The following MLLT1 variants were observed in gnomAD, a reference collection of about 807,000 sequenced individuals.
MLLT1 encodes the protein MLLT1 super elongation complex subunit.
MLLT1 carries 11 observed loss-of-function variants against 55.1 expected under a neutral mutation model. That is an observed-to-expected ratio of 0.20 (90% CI 0.13 to 0.33). MLLT1 has a LOEUF of 0.33. MLLT1 is among the 10% of genes least tolerant of loss of function. The pLI is 1.00. For missense variants in MLLT1, 536 were observed against 760.6 expected (o/e 0.70, Z 3.47); for synonymous variants, 323 against 320.1 (o/e 1.01, Z -0.10).
chr19:6,216,416 C>T lies in MLLT1; in HGVS notation c.1296G>A (p.Gly432=), dbSNP rs753340871. The T allele has an allele frequency of 1.0e-5, 16 of 1,606,470 alleles. No homozygotes were observed. In the African/African-American group the frequency reaches 1.3e-4, roughly 13 times the overall value. ...CACCGGGCCGTCACCTGGAGTCCCTCCCCGGGTTGGTCTTGCCGGCAGCCT... is the reference window on the plus strand; with the variant it reads ...CACCGGGCCGTCACCTGGAGTCCCTTCCCGGGTTGGTCTTGCCGGCAGCCT... The part of the protein sequence containing the change: ...GEEAAGKTNP[G]RDSRLSFSDS... Residue 432 remains glycine, a synonymous_variant, in exon 8 of 12, where the codon GGG becomes GGA. Coordinates refer to ENST00000252674, the MANE Select transcript of MLLT1 (RefSeq NM_005934.4).
chr19:6,217,846 G>A (rs377042692), intron 7 of MLLT1, 108 bp downstream of exon 7: 1 of 1,460,044 alleles, frequency 6.8e-7, no homozygotes, highest in Non-Finnish European at 9.1e-7. Context: ...GTACAGATCT[G>A]CAGGGCCCAG....
intron 6 of MLLT1, 73 bp from the exon 7 acceptor site, chr19:6,218,114 G>A (rs1350258392): frequency 1.4e-5 from 22 of 1,523,256 alleles, no homozygotes; most frequent in South Asian, 1.2e-5. Flanking sequence ...GACAAAGGGG[G>A]CCCCCTGGCA....
chr19:6,255,291 G>C (rs2091248856), intron 3 of MLLT1, among the ~76,000 whole-genome samples: 1 of 152,166 alleles, frequency 6.6e-6, no homozygotes, highest in African/African-American at 2.4e-5. Context: ...TCAGGAGTTT[G>C]AGACCAGCCT....
rs2091255217 is a variant in MLLT1, at chr19:6,256,165, C to T, written c.276+6063G>A. ...CTGGGAGGCAGAGGTTGCGATGAGC[C>T]AGGATCGTGCCACTGCACTCCAGCC... On this transcript the variant is annotated intron_variant, in intron 3 of 11. Transcript: ENST00000252674. The surrounding 1 kb of genome is among the most constrained non-coding windows in gnomAD (Gnocchi z 4.1). Among the ~76,000 whole-genome samples, 1 of 151,478 alleles carries T rather than the reference C, an allele frequency of 6.6e-6. No individual in the cohort carries two copies. The highest frequency in any genetic ancestry group is 2.1e-4 in the South Asian group (1 of 4,818).
chr19:6,268,191 C>T (rs568540778), intron 2 of MLLT1, among the ~76,000 whole-genome samples: 2 of 152,284 alleles, frequency 1.3e-5, no homozygotes, highest in South Asian at 2.1e-4. Flanking sequence ...AAAAGGGTGA[C>T]GTGGGACTCT....
At chr19:6,254,451 C>T (rs117694000) in intron 3 of MLLT1, among the ~76,000 whole-genome samples, 2,697 of 152,326 alleles carry the variant, frequency 0.018, 37 homozygotes, top group Middle Eastern at 0.051. Flanking sequence ...GATTTATGGC[C>T]GGTTGAGTAC....
Position 6,222,081 on chromosome 19 carries a change from C to G in MLLT1, c.1110+40G>C, listed in dbSNP as rs762557588. On this transcript the variant is annotated intron_variant, in intron 6 of 11. Transcript: ENST00000252674. This position sits in a 1 kb window ranked among gnomAD's most constrained non-coding sequence, Gnocchi z 4.1. ...CAGAAGGGAGGCGGGTCCCACCACA[C>G]TGCCTGCACCTGGCTGCCCTGCCCC... 7.0e-7 allele frequency: 1 copy of G among 1,438,652 alleles called. No homozygotes were observed. Among genetic ancestry groups the G allele is most frequent in the South Asian group, 1.6e-5 (1 of 63,414 alleles). 89.1% of individuals were successfully genotyped at this position (1,438,652 alleles called of 1,614,324 possible).
rs575619862 is a variant in MLLT1 at position 6,262,366 on chromosome 19, C to G, written c.194-56G>C. On this transcript the variant is annotated intron_variant, in intron 2 of 11. Transcript: ENST00000252674. This position sits in a 1 kb window ranked among gnomAD's most constrained non-coding sequence, Gnocchi z 4.4. ...AGCCTCCTGCCTGTTTCAGGCCCAG[C>G]TGCCAGCGGCAGTACCGCACCCCTC... The G allele has an allele frequency of 6.7e-7, 1 of 1,492,404 alleles. No homozygotes were observed. Among genetic ancestry groups the G allele is most frequent in the East Asian group, 2.3e-5 (1 of 44,248 alleles). 92.4% of individuals were successfully genotyped at this position (1,492,404 alleles called of 1,614,324 possible).
intron 3 of MLLT1, among the ~76,000 whole-genome samples, chr19:6,243,602 T>A (rs1600196189): frequency 2.0e-5 from 3 of 152,144 alleles, no homozygotes; most frequent in Non-Finnish European, 2.9e-5. Context: ...AATGCCACCA[T>A]GTCACCCCCA....
chr19:6,259,654 A>T (rs1168783296), intron 3 of MLLT1: 1 of 152,240 alleles, frequency 6.6e-6, no homozygotes, highest in Non-Finnish European at 1.5e-5. Context: ...GCAATCGGGC[A>T]CATGGTACAC....
chr19:6,261,885 C>T (rs994990511), intron 3 of MLLT1, among the ~76,000 whole-genome samples: 5 of 152,194 alleles, frequency 3.3e-5, no homozygotes, highest in African/African-American at 1.2e-4. Context: ...AGTCACTACA[C>T]ACGGCCCGGT....
chr19:6,236,298 G>A (rs949253118), intron 3 of MLLT1, among the ~76,000 whole-genome samples: 2 of 152,208 alleles, frequency 1.3e-5, no homozygotes, highest in Non-Finnish European at 2.9e-5. Flanking sequence ...CAGCGGATAC[G>A]AATGCTTCAC....
In MLLT1 at chr19:6,222,461, G is replaced by A; in HGVS notation, c.770C>T (p.Ala257Val). 1 of 1,582,984 alleles carries A rather than the reference G, an allele frequency of 6.3e-7. No homozygotes were observed. Among genetic ancestry groups the A allele is most frequent in the Non-Finnish European group, 8.6e-7 (1 of 1,169,360 alleles). The change falls in exon 6 of 12, where the codon GCC (alanine) becomes GTC (valine). Residue 257 changes from alanine to valine, a missense_variant. Physicochemically the swap from Ala to Val is moderately conservative, Grantham distance 64. Transcript: ENST00000252674. The surrounding 1 kb of genome is among the most constrained non-coding windows in gnomAD (Gnocchi z 4.1). Reference sequence around the variant, plus strand: ...GCTTTCCAGCTTGGTCTCTTTCAGGGCCATCTTGGGTTCCTTGAAGGCAGC... The same window carrying A: ...GCTTTCCAGCTTGGTCTCTTTCAGGACCATCTTGGGTTCCTTGAAGGCAGC... ...PKAAFKEPKM[A>V]LKETKLESTS... is the part of the protein sequence containing the mutation.
intron 3 of MLLT1, among the ~76,000 whole-genome samples, chr19:6,245,019 AAC>A (rs891230372): frequency 7.9e-5 from 12 of 152,074 alleles, no homozygotes; most frequent in African/African-American, 1.2e-4. Flanking sequence ...GCTGCTGAAA[AAC>A]AGTCTGGCAG....
At position 6,222,320 on chromosome 19, in the gene MLLT1, C is replaced by T; in HGVS notation, c.911G>A (p.Ser304Asn). ...TGGAGCACTCCGGGACCCCTTCGAGCTGCTCTTCTTCTGCTTCTTGGCGCT... is the reference window on the plus strand; with the variant it reads ...TGGAGCACTCCGGGACCCCTTCGAGTTGCTCTTCTTCTGCTTCTTGGCGCT... ...KPSAKKQKKS[S>N]SKGSRSAPGT... Residue 304 changes from serine to asparagine, a missense_variant, in exon 6 of 12, where the codon AGC becomes AAC. Physicochemically the swap from Ser to Asn is conservative, Grantham distance 46 (BLOSUM62 1). Coordinates refer to ENST00000252674, the MANE Select transcript of MLLT1 (RefSeq NM_005934.4). The surrounding 1 kb of genome is among the most constrained non-coding windows in gnomAD (Gnocchi z 4.1). 1.9e-6 allele frequency: 3 copies of T among 1,577,860 alleles called. No homozygotes were observed. Among genetic ancestry groups the T allele is most frequent in the East Asian group, 4.6e-5 (2 of 43,896 alleles).
intron 3 of MLLT1, among the ~76,000 whole-genome samples, chr19:6,244,077 C>A (rs879675311): frequency 8.6e-5 from 13 of 150,656 alleles, no homozygotes; most frequent in Admixed American, 2.6e-4. Context: ...AAGTCAATCT[C>A]GCTTCTTAAG....
intron 1 of MLLT1, among the ~76,000 whole-genome samples, 172 bp downstream of exon 1, chr19:6,279,601 C>A (rs1235700979): frequency 1.3e-5 from 2 of 149,184 alleles, no homozygotes; most frequent in East Asian, 2.0e-4. Flanking sequence ...GCCGGGGTCG[C>A]GGATGGGGGA....
rs10404571 is a variant in MLLT1, at chr19:6,240,810, T to A, written c.277-10097A>T. On this transcript the variant is annotated intron_variant, in intron 3 of 11. Coordinates refer to ENST00000252674, the MANE Select transcript of MLLT1 (RefSeq NM_005934.4). The surrounding 1 kb of genome is among the most constrained non-coding windows in gnomAD (Gnocchi z 4.7). ...GTCCTTCTGTGCTTCGCATTTCCGA[T>A]AACCAGAATCAATTCCTGCATCGAT... 0.043 allele frequency among the ~76,000 whole-genome samples: 6,605 copies of A among 152,174 alleles called. 407 individuals carry two copies. The highest frequency in any genetic ancestry group is 0.13 in the East Asian group (691 of 5,160).
intron 8 of MLLT1, among the ~76,000 whole-genome samples, chr19:6,215,938 G>A (rs1473122969): frequency 1.3e-5 from 2 of 151,602 alleles, no homozygotes; most frequent in African/African-American, 2.4e-5. Context: ...AAAGGCCACA[G>A]GCAGCCAAAG....
Sources: gnomAD v4.1 joint callset for allele counts (sites outside exome capture counted in the v4.1 genomes callset) on GRCh38, gnomAD v4.1.1 for gene constraint, Gnocchi (gnomAD v3.1) non-coding constraint, MANE v1.5 for transcripts, NCBI Gene and HGNC (gene_info 2026-07-23, HGNC 2026-07-21) for gene names.